SH3D19: variants seen among roughly 807,000 people sequenced by gnomAD.
The protein encoded by SH3D19 is SH3 domain-containing protein 19.
SH3D19 carries 58 observed loss-of-function variants against 112.1 expected under a neutral mutation model. The observed-to-expected ratio is 0.52, with a 90% CI of 0.42 to 0.64. The LOEUF (loss-of-function observed/expected upper bound fraction) is 0.64. Ranked by LOEUF, SH3D19 falls within the 30% of genes least tolerant of loss-of-function variation. SH3D19 has a pLI of 0.00. For synonymous variants in SH3D19, 391 were observed against 448.5 expected, an observed-to-expected ratio of 0.87 and a Z score of 1.62; for missense variants, 1,090 against 1,263.4, an observed-to-expected ratio of 0.86 and a Z score of 2.08.
At chr4:151,195,684 C>T (rs1763357878) in intron 2 of SH3D19, among the ~76,000 whole-genome samples, 2 of 151,710 alleles carry the variant, frequency 1.3e-5, no homozygotes, top group Non-Finnish European at 1.5e-5. Context: ...TAATCTCCTT[C>T]TCAGGCCATA....
intron 8 of SH3D19, among the ~76,000 whole-genome samples, chr4:151,161,527 A>C (rs1176639223): frequency 1.3e-5 from 2 of 151,852 alleles, no homozygotes; most frequent in African/African-American, 4.8e-5. Context: ...TTTGAAGAGG[A>C]GCTTAATGAT....
At chr4:151,186,369 TA>T (rs113576748) in intron 3 of SH3D19, among the ~76,000 whole-genome samples, 9 of 152,352 alleles carry the variant, frequency 5.9e-5, no homozygotes, top group African/African-American at 2.2e-4. Flanking sequence ...CTTATACAGT[TA>T]AAAAATATAT....
intron 2 of SH3D19, among the ~76,000 whole-genome samples, chr4:151,217,231 A>G (rs1004022015): frequency 2.0e-5 from 3 of 152,212 alleles, no homozygotes; most frequent in African/African-American, 7.2e-5. Context: ...CTTAGAAAAG[A>G]GAACAGCTAA....
chr4:151,312,443 G>A (rs1160882725), intron 1 of SH3D19, among the ~76,000 whole-genome samples: 1 of 152,166 alleles, frequency 6.6e-6, no homozygotes, highest in East Asian at 1.9e-4. Flanking sequence ...GAAATCTGAG[G>A]GTGGGGTCAT....
chr4:151,161,783 T>TTTA (rs1554040979), intron 8 of SH3D19, among the ~76,000 whole-genome samples: 2 of 136,906 alleles, frequency 1.5e-5, no homozygotes, highest in Non-Finnish European at 3.2e-5. Flanking sequence ...TTTTTTTTTT[T>TTTA]AGATGAGGTC....
intron 2 of SH3D19, among the ~76,000 whole-genome samples, chr4:151,190,949 T>A (rs6535767): frequency 2.0e-5 from 3 of 152,266 alleles, no homozygotes; most frequent in South Asian, 2.1e-4. Context: ...AAGCAGCTGG[T>A]GGGGAGGCTA....
chr4:151,122,113 A>C lies in SH3D19; in HGVS notation c.3122T>G (p.Ile1041Arg), dbSNP rs1456684206. ...GKSGIFPKNY[I>R]QFLQIS ...CCTCTAGCTGATCTGTAGAAACTGTATGTAGTTTTTGGGAAATATTCCAGA... is the reference window on the plus strand; with the variant it reads ...CCTCTAGCTGATCTGTAGAAACTGTCTGTAGTTTTTGGGAAATATTCCAGA... The change falls in exon 20 of 20, where the codon ATA becomes AGA. Residue 1041 changes from isoleucine (I) to arginine (R), a missense_variant. Coordinates refer to ENST00000604030, the MANE Select transcript of SH3D19 (RefSeq NM_001378122.1). 6.3e-7 allele frequency: 1 copy of C among 1,593,944 alleles called. No homozygotes were observed. Among genetic ancestry groups the C allele is most frequent in the East Asian group, 2.2e-5 (1 of 44,776 alleles).
At chr4:151,283,052 G>C (rs1299409411) in intron 1 of SH3D19, 3 of 1,487,376 alleles carry the variant, frequency 2.0e-6, no homozygotes, top group East Asian at 4.5e-5. Context: ...TGCACATCAT[G>C]ACTGAATGCT....
chr4:151,136,209 G>A (rs376696517), intron 14 of SH3D19, among the ~76,000 whole-genome samples: 3 of 151,300 alleles, frequency 2.0e-5, no homozygotes, highest in Non-Finnish European at 2.9e-5. Context: ...GTGCAGTGGC[G>A]TGATCATGGC....
At chr4:151,184,596 TGCTAGGGCCC>T (rs1263726518) in intron 3 of SH3D19, among the ~76,000 whole-genome samples, 1 of 69,030 alleles carries the variant, frequency 1.4e-5, no homozygotes, top group African/African-American at 3.2e-5. Context: ...TTCCTCTCTC[TGCTAGGGCCC>T]TGTTTCACCG....
At chr4:151,255,475 C>T (rs996029863) in intron 1 of SH3D19, among the ~76,000 whole-genome samples, 4 of 151,500 alleles carry the variant, frequency 2.6e-5, no homozygotes, top group East Asian at 2.0e-4. Context: ...TGATGGCGGC[C>T]GGGAAGAGGT....
At chr4:151,256,119 T>G (rs537800114) in intron 1 of SH3D19, among the ~76,000 whole-genome samples, 1 of 152,230 alleles carries the variant, frequency 6.6e-6, no homozygotes, top group East Asian at 1.9e-4. Flanking sequence ...TATATATAAA[T>G]TGTATACTTT....
chr4:151,175,897 G>T (rs1180936003), intron 6 of SH3D19, among the ~76,000 whole-genome samples: 1 of 151,516 alleles, frequency 6.6e-6, no homozygotes, highest in African/African-American at 2.4e-5. Flanking sequence ...TTGAGACAGG[G>T]TCTTGCTCTG....
chr4:151,236,382 C>T (rs1580296213), intron 1 of SH3D19, among the ~76,000 whole-genome samples: 1 of 152,254 alleles, frequency 6.6e-6, no homozygotes, highest in Admixed American at 6.5e-5. Flanking sequence ...TCTGGGCTGC[C>T]GGAGTGCCCG....
intron 2 of SH3D19, among the ~76,000 whole-genome samples, chr4:151,196,111 A>T (rs937377968): frequency 2.5e-4 from 38 of 152,164 alleles, no homozygotes; most frequent in African/African-American, 9.2e-4. Flanking sequence ...AGAAAGTAGG[A>T]CAGAGGAAGC....
chr4:151,145,100 A>G (rs1480150441), intron 11 of SH3D19, among the ~76,000 whole-genome samples: 1 of 152,194 alleles, frequency 6.6e-6, no homozygotes, highest in Non-Finnish European at 1.5e-5. Context: ...AGGGCTTCCA[A>G]TGTACCCAGA....
chr4:151,149,098 C>T (rs1731212060), intron 10 of SH3D19, among the ~76,000 whole-genome samples: 1 of 152,000 alleles, frequency 6.6e-6, no homozygotes, highest in Admixed American at 6.6e-5. Flanking sequence ...GCATTACAGC[C>T]CTTTATTTGA....
chr4:151,272,521 G>A (rs1040703965), intron 1 of SH3D19, among the ~76,000 whole-genome samples: 7 of 152,086 alleles, frequency 4.6e-5, no homozygotes, highest in African/African-American at 1.7e-4. Flanking sequence ...ACAATAAACT[G>A]GTTTGTTAAA....
In SH3D19 at chr4:151,247,638, C is replaced by T. The variant is rs373142441; in HGVS notation, c.113-21552G>A. On this transcript the variant is annotated intron_variant, in intron 1 of 19. Transcript: ENST00000604030. ...AACATTCCCATCACTCTAGAAAGATCGCTTGTGCCCACTTGCAGTCAATCC... is the reference window on the plus strand; with the variant it reads ...AACATTCCCATCACTCTAGAAAGATTGCTTGTGCCCACTTGCAGTCAATCC... Among the ~76,000 whole-genome samples the T allele has an allele frequency of 1.2e-4, 19 of 152,252 alleles. No individual in the cohort carries two copies. In the East Asian group the frequency reaches 2.5e-3, roughly 20 times the overall value.
Sources: allele counts gnomAD v4.1 joint callset (sites outside exome capture counted in the v4.1 genomes callset), GRCh38; gene constraint gnomAD v4.1.1; transcripts MANE v1.5; gene names NCBI Gene and HGNC (gene_info 2026-07-23, HGNC 2026-07-21).